Variants in MTMR7 observed in about 807,000 individuals in gnomAD.
MTMR7 encodes myotubularin related protein 7.
Under a neutral mutation model 81.2 loss-of-function variants are expected in MTMR7, and 76 were observed. The ratio of observed to expected loss-of-function variants is 0.94; its 90% confidence interval spans 0.78 to 1.13. The LOEUF is 1.13. Among genes scored for constraint, MTMR7 ranks in the 50% most tolerant of loss-of-function variants. The pLI is 0.00. For missense variants in MTMR7, 1,044 were observed against 820.0 expected (o/e 1.27, Z -3.34); for synonymous variants, 372 against 289.8 (o/e 1.28, Z -2.88).
chr8:17,372,871 C>CTTG (rs572675461), intron 2 of MTMR7: 43 of 390,338 alleles, frequency 1.1e-4, no homozygotes, highest in African/African-American at 8.4e-4. Context: ...ACAGGAAGCA[C>CTTG]TTGTATCTTC....
chr8:17,312,574 CAAAAAAA>C (rs10617081), intron 8 of MTMR7, among the ~76,000 whole-genome samples: 6 of 87,248 alleles, frequency 6.9e-5, no homozygotes, highest in Admixed American at 1.4e-4. Context: ...GACTCCCTCT[CAAAAAAA>C]AAAAAAAAAA....
At chr8:17,382,945 C>A (rs993457410) in intron 1 of MTMR7, among the ~76,000 whole-genome samples, 1 of 152,076 alleles carries the variant, frequency 6.6e-6, no homozygotes, top group Non-Finnish European at 1.5e-5. Flanking sequence ...GGGTGCAGGG[C>A]ATTGGCTGTA....
chr8:17,403,727 T>C (rs1238268213), intron 1 of MTMR7, among the ~76,000 whole-genome samples: 2 of 151,928 alleles, frequency 1.3e-5, no homozygotes, highest in Non-Finnish European at 1.5e-5. Context: ...TCAGTTTTTG[T>C]GTGTCCTCTT....
chr8:17,397,023 T>C (rs1483846832), intron 1 of MTMR7, among the ~76,000 whole-genome samples: 1 of 151,688 alleles, frequency 6.6e-6, no homozygotes, highest in East Asian at 2.0e-4. Flanking sequence ...CTAGCGGCAT[T>C]CATCATCTGC....
intron 1 of MTMR7, among the ~76,000 whole-genome samples, chr8:17,384,286 C>A (rs1039573865): frequency 3.9e-5 from 6 of 152,092 alleles, no homozygotes; most frequent in Non-Finnish European, 7.4e-5. Context: ...TGGCAGGCAC[C>A]TGTAGGCCCA....
intron 1 of MTMR7, among the ~76,000 whole-genome samples, chr8:17,381,467 G>A (rs930559655): frequency 6.6e-6 from 1 of 152,082 alleles, no homozygotes; most frequent in African/African-American, 2.4e-5. Context: ...CTATCCTGCA[G>A]GTCAAATATT....
chr8:17,355,033 G>T (rs1819844761), intron 4 of MTMR7, among the ~76,000 whole-genome samples: 1 of 152,116 alleles, frequency 6.6e-6, no homozygotes, highest in Non-Finnish European at 1.5e-5. Flanking sequence ...TGTTTTGCAG[G>T]CTGTGCAACG....
At chr8:17,386,643 A>C (rs1419695124) in intron 1 of MTMR7, among the ~76,000 whole-genome samples, 1 of 118,504 alleles carries the variant, frequency 8.4e-6, no homozygotes, top group Non-Finnish European at 1.9e-5. Context: ...GGCTCTGCTC[A>C]TGATGGCTCC....
At chr8:17,353,048 T>G (rs928695660) in intron 4 of MTMR7, among the ~76,000 whole-genome samples, 1 of 152,174 alleles carries the variant, frequency 6.6e-6, no homozygotes, top group Admixed American at 6.5e-5. Flanking sequence ...AACCCAGATG[T>G]CCATCAAGTG....
intron 1 of MTMR7, among the ~76,000 whole-genome samples, chr8:17,379,876 T>C (rs73208998): frequency 0.06 from 9,077 of 152,236 alleles, 325 homozygotes; most frequent in Non-Finnish European, 0.071. Flanking sequence ...TAATCTAAAC[T>C]GTCTGAAGGC....
At chr8:17,370,131 T>G (rs1400034292) in intron 3 of MTMR7, among the ~76,000 whole-genome samples, 2 of 151,780 alleles carry the variant, frequency 1.3e-5, no homozygotes, top group Non-Finnish European at 2.9e-5. Context: ...ACATTAAGTT[T>G]TTTTTTTTTT....
At chr8:17,397,142 G>C (rs1400502366) in intron 1 of MTMR7, among the ~76,000 whole-genome samples, 1 of 151,876 alleles carries the variant, frequency 6.6e-6, no homozygotes, top group Non-Finnish European at 1.5e-5. Flanking sequence ...CAGCACATTT[G>C]CAGCTGTGGA....
intron 7 of MTMR7, among the ~76,000 whole-genome samples, chr8:17,315,463 G>A (rs1818016046): frequency 6.6e-6 from 1 of 152,096 alleles, no homozygotes; most frequent in African/African-American, 2.4e-5. Flanking sequence ...CCGTACAGTG[G>A]ACTTTGAGTG....
chr8:17,400,287 C>T (rs1477443087), intron 1 of MTMR7, among the ~76,000 whole-genome samples: 4 of 152,176 alleles, frequency 2.6e-5, no homozygotes, highest in Non-Finnish European at 5.9e-5. Flanking sequence ...ACCTCAAAAT[C>T]ACCCTAAGAG....
chr8:17,407,791 T>G (rs982751382), intron 1 of MTMR7, among the ~76,000 whole-genome samples: 2 of 152,218 alleles, frequency 1.3e-5, no homozygotes, highest in African/African-American at 4.8e-5. Flanking sequence ...TTTCTACATG[T>G]AGTCCATATT....
At position 17,374,409 on chromosome 8, in the gene MTMR7, T is replaced by C. The variant is rs557787001; in HGVS notation, c.25-1169A>G. 5.3e-5 allele frequency among the ~76,000 whole-genome samples: 8 copies of C among 151,342 alleles called. No individual in the cohort carries two copies. The East Asian group carries it at 1.2e-3, about 23-fold the overall frequency. The stretch of plus-strand genomic sequence containing the variant: ...AGGCCGAGGCAGGTGGATCACGAGG[T>C]AAAGAGATCGAGACCATCCTGGCCA... On this transcript the variant is annotated intron_variant, in intron 1 of 13. Coordinates refer to ENST00000180173, the MANE Select transcript of MTMR7 (RefSeq NM_004686.5).
At chr8:17,392,053 G>C (rs1821125046) in intron 1 of MTMR7, among the ~76,000 whole-genome samples, 1 of 152,098 alleles carries the variant, frequency 6.6e-6, no homozygotes, top group Non-Finnish European at 1.5e-5. Flanking sequence ...TGCAGTATGA[G>C]AATATAAAAC....
At chr8:17,343,151 G>C (rs1218461009) in intron 5 of MTMR7, among the ~76,000 whole-genome samples, 1 of 152,196 alleles carries the variant, frequency 6.6e-6, no homozygotes, top group Non-Finnish European at 1.5e-5. Flanking sequence ...AGTTAGCCCA[G>C]TGTGGTGGCT....
At chr8:17,337,506 T>C (rs1324298180) in intron 6 of MTMR7, among the ~76,000 whole-genome samples, 1 of 152,192 alleles carries the variant, frequency 6.6e-6, no homozygotes, top group Non-Finnish European at 1.5e-5. Context: ...CACCTTCATA[T>C]GTTCTTAAAG....
Sources: allele counts gnomAD v4.1 joint callset (sites outside exome capture counted in the v4.1 genomes callset), GRCh38; gene constraint gnomAD v4.1.1; transcripts MANE v1.5; gene names NCBI Gene and HGNC (gene_info 2026-07-23, HGNC 2026-07-21).